The following RBFOX1 variants were observed in gnomAD, a reference collection of about 807,000 sequenced individuals.
RBFOX1 encodes the protein RNA binding fox-1 homolog 1, also known as RNA binding protein fox-1 homolog 1.
RBFOX1 carries 8 observed loss-of-function variants against 57.7 expected under a neutral mutation model. The observed-to-expected ratio is 0.14, with a 90% CI of 0.08 to 0.25. The LOEUF (loss-of-function observed/expected upper bound fraction) is 0.25. Ranked by LOEUF, RBFOX1 falls within the 10% of genes least tolerant of loss-of-function variation. The pLI, the probability that RBFOX1 is intolerant of heterozygous loss-of-function variation, is 1.00. For synonymous variants in RBFOX1, 326 were observed against 222.4 expected (o/e 1.47, Z -4.15); for missense variants, 611 against 548.5 (o/e 1.11, Z -1.14).
chr16:6,723,370 A>G (rs1474127175), intron 3 of RBFOX1, among the ~76,000 whole-genome samples: 1 of 152,222 alleles, frequency 6.6e-6, no homozygotes, highest in Non-Finnish European at 1.5e-5. Context: ...ATAGCATGCA[A>G]CTGTGGATTA....
intron 4 of RBFOX1, among the ~76,000 whole-genome samples, chr16:7,478,751 A>G (rs1361776480): frequency 6.6e-6 from 1 of 152,064 alleles, no homozygotes; most frequent in Admixed American, 6.6e-5. Context: ...CCCAAAACTG[A>G]CTCCGCTTAT....
chr16:7,577,817 C>T (rs979145765), intron 5 of RBFOX1, among the ~76,000 whole-genome samples: 1 of 152,180 alleles, frequency 6.6e-6, no homozygotes, highest in African/African-American at 2.4e-5. Flanking sequence ...CAAGATTGAG[C>T]CCAGGATTTC....
intron 4 of RBFOX1, among the ~76,000 whole-genome samples, chr16:5,945,723 C>G (rs912656767): frequency 2.0e-5 from 3 of 152,222 alleles, no homozygotes; most frequent in Admixed American, 6.5e-5. Flanking sequence ...CTGCAAACCT[C>G]CACTGTCCAT....
At chr16:6,642,870 C>G (rs1208897833) in intron 2 of RBFOX1, among the ~76,000 whole-genome samples, 1 of 152,170 alleles carries the variant, frequency 6.6e-6, no homozygotes, top group Non-Finnish European at 1.5e-5. Flanking sequence ...ACCTACCCAA[C>G]TAAGGTAAAC....
At chr16:6,277,343 C>A (rs1362447013) in intron 1 of RBFOX1, among the ~76,000 whole-genome samples, 1 of 150,170 alleles carries the variant, frequency 6.7e-6, no homozygotes, top group Non-Finnish European at 1.5e-5. Flanking sequence ...GTTCTGTAGT[C>A]CCACCTACTC....
At chr16:7,019,812 C>G (rs1211335945) in intron 3 of RBFOX1, among the ~76,000 whole-genome samples, 3 of 152,164 alleles carry the variant, frequency 2.0e-5, no homozygotes, top group African/African-American at 7.2e-5. Context: ...TCCCATTAAT[C>G]CTGAACATAT....
intron 3 of RBFOX1, among the ~76,000 whole-genome samples, chr16:6,989,294 C>A (rs1008170655): frequency 6.6e-6 from 1 of 152,122 alleles, no homozygotes; most frequent in Admixed American, 6.6e-5. Flanking sequence ...GATAATTTGT[C>A]TATGAAGATA....
intron 3 of RBFOX1, among the ~76,000 whole-genome samples, chr16:5,815,912 G>A (rs371429041): frequency 3.2e-4 from 49 of 152,242 alleles, no homozygotes; most frequent in Non-Finnish European, 4.0e-4. Context: ...GAAATCCACC[G>A]GGTGGTGTGG....
chr16:7,562,030 T>C (rs2090495973), intron 5 of RBFOX1, among the ~76,000 whole-genome samples: 2 of 151,464 alleles, frequency 1.3e-5, no homozygotes, highest in Admixed American at 6.6e-5. Flanking sequence ...AAAAAAAAAA[T>C]ACTGCAGGAG....
intron 1 of RBFOX1, among the ~76,000 whole-genome samples, chr16:5,272,857 A>G (rs2063048832): frequency 6.6e-6 from 1 of 152,196 alleles, no homozygotes; most frequent in Non-Finnish European, 1.5e-5. Context: ...TCCCAAAAGT[A>G]TGTAGTTGAG....
chr16:6,107,266 C>G (rs2096392616), intron 1 of RBFOX1, among the ~76,000 whole-genome samples: 1 of 152,012 alleles, frequency 6.6e-6, no homozygotes, highest in Admixed American at 6.5e-5. Flanking sequence ...TATAGTAGGT[C>G]TGCTAGGAAA....
chr16:5,921,721 T>C (rs2058826152), intron 4 of RBFOX1, among the ~76,000 whole-genome samples: 1 of 152,060 alleles, frequency 6.6e-6, no homozygotes, highest in Non-Finnish European at 1.5e-5. Context: ...ACAGGGAGCG[T>C]AGTGCCAGAA....
intron 4 of RBFOX1, among the ~76,000 whole-genome samples, chr16:7,326,584 C>A (rs1193128733): frequency 6.6e-6 from 1 of 152,108 alleles, no homozygotes; most frequent in East Asian, 1.9e-4. Flanking sequence ...TGGATGCCTT[C>A]CAAGCACCAG....
chr16:6,042,996 A>T (rs2095454849), intron 1 of RBFOX1, among the ~76,000 whole-genome samples: 2 of 151,972 alleles, frequency 1.3e-5, no homozygotes, highest in South Asian at 4.2e-4. Flanking sequence ...ATGCACCTGT[A>T]GTCCCAGGTA....
At chr16:7,663,474 T>A (rs929607993) in intron 12 of RBFOX1, among the ~76,000 whole-genome samples, 1 of 151,704 alleles carries the variant, frequency 6.6e-6, no homozygotes, top group South Asian at 2.1e-4. Flanking sequence ...AGCAAACCAG[T>A]GTCACAGCTG....
intron 5 of RBFOX1, among the ~76,000 whole-genome samples, chr16:7,527,751 A>G (rs977064168): frequency 4.6e-5 from 7 of 152,178 alleles, no homozygotes; most frequent in African/African-American, 1.7e-4. Context: ...AATGACAAAC[A>G]CATAGTAAAC....
chr16:5,761,763 G>A (rs1305477724), intron 3 of RBFOX1, among the ~76,000 whole-genome samples: 1 of 152,160 alleles, frequency 6.6e-6, no homozygotes, highest in African/African-American at 2.4e-5. Context: ...AGGCTCTTTG[G>A]CTAAATGGGT....
At chr16:6,615,696 G>A (rs12923194) in intron 2 of RBFOX1, among the ~76,000 whole-genome samples, 70,878 of 151,954 alleles carry the variant, frequency 0.47, 17,255 homozygotes, top group Non-Finnish European at 0.53. Flanking sequence ...CTCTCCAGGA[G>A]AACATCAATG....
intron 3 of RBFOX1, among the ~76,000 whole-genome samples, chr16:5,756,933 GC>G (rs1377524553): frequency 6.6e-6 from 1 of 152,168 alleles, no homozygotes; most frequent in Non-Finnish European, 1.5e-5. Context: ...AAAGGATAAA[GC>G]CCTTAACTGT....
Sources: gnomAD v4.1 joint callset for allele counts (sites outside exome capture counted in the v4.1 genomes callset) on GRCh38, gnomAD v4.1.1 for gene constraint, MANE v1.5 for transcripts, NCBI Gene and HGNC (gene_info 2026-07-23, HGNC 2026-07-21) for gene names.